Variants in C1QTNF5 observed in about 807,000 individuals in gnomAD.
C1QTNF5 encodes the protein complement C1q tumor necrosis factor-related protein 5.
A neutral mutation model predicts 10.9 loss-of-function variants in C1QTNF5; 5 were observed. That is an observed-to-expected ratio of 0.46 (90% CI 0.24 to 0.97). The LOEUF is 0.97. Ranked by LOEUF, C1QTNF5 falls within the 50% of genes least tolerant of loss-of-function variation. The pLI is 0.19. For synonymous variants in C1QTNF5, 161 were observed against 156.5 expected (o/e 1.03, Z -0.22); for missense variants, 281 against 339.4 (o/e 0.83, Z 1.35).
At chr11:119,341,751 A>G (rs764469458), upstream of C1QTNF5, 1 of 1,613,424 alleles carries the variant, frequency 6.2e-7, no homozygotes, top group Non-Finnish European at 8.5e-7. Flanking sequence ...AAATGCTGGT[A>G]GCAGGGCAGG....
rs573413003 is a variant in C1QTNF5, at chr11:119,339,730, G to C, written c.333C>G (p.Ser111=). The C allele has an allele frequency of 1.2e-5, 19 of 1,599,660 alleles. No homozygotes were observed. The South Asian group carries it at 1.9e-4, about 16-fold the overall frequency. ...CAGACGGCGGAGGCACCCGGCTCTC[G>C]GAGCGCTTGGCGCTGAAGGCGGATC... ...PPRSAFSAKR[S]ESRVPPPSDA... Residue 111 remains serine, a synonymous_variant, in exon 3 of 3, where the codon TCC becomes TCG. Coordinates refer to ENST00000528368, the MANE Select transcript of C1QTNF5 (RefSeq NM_001278431.2). This position sits in a 1 kb window ranked among gnomAD's most constrained non-coding sequence, Gnocchi z 5.4.
chr11:119,342,089 G>C, upstream of C1QTNF5: 1 of 1,424,886 alleles, frequency 7.0e-7, no homozygotes, highest in Non-Finnish European at 9.7e-7. Context: ...GGTCCAATGG[G>C]GGTGGTTGTG....
chr11:119,344,888 A>G (rs201890505), upstream of C1QTNF5: 2 of 1,613,100 alleles, frequency 1.2e-6, no homozygotes, highest in Non-Finnish European at 1.7e-6. Context: ...CCCAGGGGCC[A>G]TAGCCTGGTA....
upstream of C1QTNF5, chr11:119,345,462 T>A: frequency 6.2e-7 from 1 of 1,613,808 alleles, no homozygotes. Flanking sequence ...TTCCAAGCGA[T>A]CAAAAAGGCA....
chr11:119,341,413 C>A, upstream of C1QTNF5: 1 of 730,978 alleles, frequency 1.4e-6, no homozygotes, highest in Non-Finnish European at 2.2e-6. Context: ...CTGAGGACTT[C>A]TCTTCCCCCT....
rs753440856 is a variant in C1QTNF5 at position 119,339,807 on chromosome 11, C to A, written c.256G>T (p.Ala86Ser). Residue 86 changes from alanine to serine, a missense_variant, in exon 3 of 3, where the codon GCG becomes TCG. By Grantham distance (99) the Ala-to-Ser change is moderately conservative. Coordinates refer to ENST00000528368, the MANE Select transcript of C1QTNF5 (RefSeq NM_001278431.2). The surrounding 1 kb of genome is among the most constrained non-coding windows in gnomAD (Gnocchi z 5.4). ...GGCCCGGTGGGCCCCGCGGGTCCCGCCTCTCCTCGCGGCCCGGGGTCCCCT... is the reference window on the plus strand; with the variant it reads ...GGCCCGGTGGGCCCCGCGGGTCCCGACTCTCCTCGCGGCCCGGGGTCCCCT... ...PRGDPGPRGE[A>S]GPAGPTGPAG... 1 of 1,524,118 alleles carries A rather than the reference C, an allele frequency of 6.6e-7. No individual in the cohort carries two copies. The highest frequency in any genetic ancestry group is 8.8e-7 in the Non-Finnish European group (1 of 1,141,896). 94.4% of individuals were successfully genotyped at this position (1,524,118 alleles called of 1,614,324 possible).
chr11:119,339,735 G>C lies in C1QTNF5; in HGVS notation c.328C>G (p.Arg110Gly). Reference protein sequence around the residue: ...VPPRSAFSAKRSESRVPPPSD... With the variant: ...VPPRSAFSAKGSESRVPPPSD... ...GGCGGAGGCACCCGGCTCTCGGAGC[G>C]CTTGGCGCTGAAGGCGGATCGCGGA... Residue 110 changes from arginine (R) to glycine (G), a missense_variant, in exon 3 of 3, where the codon CGC (arginine) becomes GGC (glycine). By Grantham distance (125) the Arg-to-Gly change is moderately radical. Coordinates refer to ENST00000528368, the MANE Select transcript of C1QTNF5 (RefSeq NM_001278431.2). The surrounding 1 kb of genome is among the most constrained non-coding windows in gnomAD (Gnocchi z 5.4). The C allele has an allele frequency of 6.3e-7, 1 of 1,598,760 alleles. No homozygotes were observed. The highest frequency in any genetic ancestry group is 8.5e-7 in the Non-Finnish European group (1 of 1,178,126).
rs886047820 is a variant in C1QTNF5, at chr11:119,340,343, G to C, written c.55C>G (p.Leu19Val). 2.6e-6 allele frequency: 4 copies of C among 1,544,040 alleles called. No homozygotes were observed. Among genetic ancestry groups the C allele is most frequent in the South Asian group, 1.2e-5 (1 of 83,442 alleles). The part of the protein sequence containing the change: ...LLGLAAGSPP[L>V]DDNKIPSLCP... The stretch of plus-strand genomic sequence containing the variant: ...AGGCTGGGGATCTTGTTGTCGTCCA[G>C]TGGGGGCGAGCCGGCCGCCAGGCCC... Residue 19 changes from leucine to valine, a missense_variant, in exon 2 of 3, where the codon CTG becomes GTG. By Grantham distance (32) the Leu-to-Val change is conservative. Transcript: ENST00000528368.
chr11:119,342,731 C>G (rs142533439), upstream of C1QTNF5: 2 of 1,613,482 alleles, frequency 1.2e-6, no homozygotes, highest in Non-Finnish European at 1.7e-6. Flanking sequence ...CAGGGGTCTG[C>G]AGGCACAAGG....
upstream of C1QTNF5, chr11:119,341,231 A>T: frequency 2.4e-6 from 1 of 411,572 alleles, no homozygotes; most frequent in Non-Finnish European, 4.5e-6. Context: ...ATCAAGGAAA[A>T]GGTCAGAAGG....
At chr11:119,346,500 G>C in the C1QTNF5 span, 5 of 1,613,976 alleles carry the variant, frequency 3.1e-6, no homozygotes, top group Admixed American at 1.7e-5. Context: ...GATGACATCT[G>C]AGAAGTCCTT....
At chr11:119,344,460 A>G (rs1950538019), upstream of C1QTNF5, 1 of 1,555,644 alleles carries the variant, frequency 6.4e-7, no homozygotes, top group Admixed American at 1.8e-5. Context: ...GCTGGCGGTG[A>G]TTACAGAGCG....
At chr11:119,345,394 G>A (rs752141322), upstream of C1QTNF5, 2 of 1,601,118 alleles carry the variant, frequency 1.2e-6, no homozygotes, top group Non-Finnish European at 8.6e-7. Flanking sequence ...GACACGGTGG[G>A]ATGTCCTGGG....
upstream of C1QTNF5, chr11:119,345,803 C>A (rs770341402): frequency 3.4e-5 from 55 of 1,613,752 alleles, no homozygotes; most frequent in Non-Finnish European, 4.4e-5. Context: ...ACGCCTGACT[C>A]CTGCTGCCCT....
In C1QTNF5 at chr11:119,339,448, C is replaced by T; in HGVS notation, c.615G>A (p.Val205=). 1 of 1,614,132 alleles carries T rather than the reference C, an allele frequency of 6.2e-7. No individual in the cohort carries two copies. Among genetic ancestry groups the T allele is most frequent in the Middle Eastern group, 1.6e-4 (1 of 6,062 alleles). Reference sequence around the variant, plus strand: ...AGTCACCCACACCCACCTGCACCCACACTTGGTCCTCAGGCTCCAGCCTCA... The same window carrying T: ...AGTCACCCACACCCACCTGCACCCATACTTGGTCCTCAGGCTCCAGCCTCA... ...AMVRLEPEDQ[V]WVQVGVGDYI... The change falls in exon 3 of 3, where the codon GTG becomes GTA. Residue 205 remains valine (V), a synonymous_variant. Coordinates refer to ENST00000528368, the MANE Select transcript of C1QTNF5 (RefSeq NM_001278431.2). The surrounding 1 kb of genome is among the most constrained non-coding windows in gnomAD (Gnocchi z 5.4).
chr11:119,341,223 C>G, upstream of C1QTNF5: 4 of 395,736 alleles, frequency 1.0e-5, 1 homozygote, highest in South Asian at 8.9e-5. Context: ...TTTGTTGAAT[C>G]AAGGAAAAGG....
upstream of C1QTNF5, chr11:119,341,432 G>A (rs565342229): frequency 3.5e-5 from 29 of 835,064 alleles, no homozygotes; most frequent in African/African-American, 4.7e-4. Context: ...CTCCCTGGGA[G>A]CCCCAGAGAA....
rs200706397 is a variant in C1QTNF5 at position 119,339,875 on chromosome 11, G to A, written c.215-27C>T. ...TGCGGGGTAAGCGGGGCGGCAGGGTGAGAGTAGCGGCGGCTCAGCCCGCAG... is the reference window on the plus strand; with the variant it reads ...TGCGGGGTAAGCGGGGCGGCAGGGTAAGAGTAGCGGCGGCTCAGCCCGCAG... On this transcript the variant is annotated intron_variant, in intron 2 of 2. Transcript: ENST00000528368. This position sits in a 1 kb window ranked among gnomAD's most constrained non-coding sequence, Gnocchi z 5.4. The A allele has an allele frequency of 4.8e-5, 70 of 1,443,840 alleles. 1 individual carries two copies. The Admixed American group carries it at 1.4e-3, about 29-fold the overall frequency. 89.4% of individuals were successfully genotyped at this position (1,443,840 alleles called of 1,614,324 possible).
upstream of C1QTNF5, chr11:119,344,243 C>T: frequency 7.2e-7 from 1 of 1,390,342 alleles, no homozygotes; most frequent in South Asian, 1.2e-5. Flanking sequence ...CATGCCATTC[C>T]CATTACACTA....
Sources: allele counts gnomAD v4.1 joint callset, GRCh38; gene constraint gnomAD v4.1.1; non-coding constraint Gnocchi (gnomAD v3.1); transcripts MANE v1.5; gene names NCBI Gene and HGNC (gene_info 2026-07-23, HGNC 2026-07-21).